TMPRSS11F: variants seen among roughly 807,000 people sequenced by gnomAD.
TMPRSS11F encodes the protein transmembrane serine protease 11F.
A neutral mutation model predicts 60.2 loss-of-function variants in TMPRSS11F; 47 were observed. The observed-to-expected ratio is 0.78, with a 90% CI of 0.62 to 1.00. The LOEUF (loss-of-function observed/expected upper bound fraction) is 1.00, where lower values mean the gene tolerates loss of function less well. TMPRSS11F is among the 50% of genes least tolerant of loss of function. The pLI, the probability that TMPRSS11F is intolerant of heterozygous loss-of-function variation, is 0.00. For missense variants in TMPRSS11F, 519 were observed against 522.9 expected (o/e 0.99, Z 0.07); for synonymous variants, 166 against 167.3 (o/e 0.99, Z 0.06).
At chr4:68,079,325 A>T (rs551670338) in intron 3 of TMPRSS11F, among the ~76,000 whole-genome samples, 27 of 152,210 alleles carry the variant, frequency 1.8e-4, no homozygotes, top group African/African-American at 6.5e-4. Context: ...TGTTAAGCGC[A>T]TTAAGTGACT....
In TMPRSS11F at chr4:68,064,140, G is replaced by A. The variant is rs150754473; in HGVS notation, c.1015+545C>T. Among the ~76,000 whole-genome samples the A allele has an allele frequency of 5.3e-3, 735 of 139,758 alleles. 9 individuals carry two copies. The highest frequency in any genetic ancestry group is 0.019 in the African/African-American group (707 of 37,570). The allele number at this position is 139,758 out of a possible 152,430, so 91.7% of individuals were successfully genotyped here. ...CCCTGACTTTTTTTTTTTTTCCACC[G>A]CTCTAGTTGAGCAGTTGAGGAGATT... is the stretch of plus-strand genomic sequence containing the variant. On this transcript the variant is annotated intron_variant, in intron 8 of 9. Transcript: ENST00000356291.
At chr4:68,124,235 A>C (rs1015695777) in intron 1 of TMPRSS11F, among the ~76,000 whole-genome samples, 3 of 150,434 alleles carry the variant, frequency 2.0e-5, no homozygotes, top group Non-Finnish European at 3.0e-5. Context: ...AAAAAAAAAA[A>C]CAAACCTTTA....
At chr4:68,068,533 G>A (rs948509886) in intron 7 of TMPRSS11F, 85 bp downstream of exon 7, 23 of 1,164,822 alleles carry the variant, frequency 2.0e-5, no homozygotes, top group Non-Finnish European at 2.9e-5. Flanking sequence ...GGTTAAACTG[G>A]AGAGACTGGA....
intron 5 of TMPRSS11F, among the ~76,000 whole-genome samples, chr4:68,070,787 T>C (rs1723443848): frequency 6.6e-6 from 1 of 152,218 alleles, no homozygotes; most frequent in South Asian, 2.1e-4. Context: ...ACATGGGGAA[T>C]TACAGTGATT....
chr4:68,112,729 A>C (rs545437810), intron 1 of TMPRSS11F, among the ~76,000 whole-genome samples: 7 of 152,316 alleles, frequency 4.6e-5, no homozygotes, highest in African/African-American at 1.7e-4. Context: ...TGTCTAGCAC[A>C]GTACCTGAGC....
At position 68,065,351 on chromosome 4, in the gene TMPRSS11F, C is replaced by T. The variant is rs546529636; in HGVS notation, c.756-407G>A. 3.3e-5 allele frequency among the ~76,000 whole-genome samples: 5 copies of T among 152,214 alleles called. No individual in the cohort carries two copies. The East Asian group carries it at 5.8e-4, about 18-fold the overall frequency. ...CTTATTTTACTGGTTTTACTGTGATCGTTGAAGTGAAGCGTAATTTGTCTG... is the reference window on the plus strand; with the variant it reads ...CTTATTTTACTGGTTTTACTGTGATTGTTGAAGTGAAGCGTAATTTGTCTG... On this transcript the variant is annotated intron_variant, in intron 7 of 9. Coordinates refer to ENST00000356291, the MANE Select transcript of TMPRSS11F (RefSeq NM_207407.2).
At chr4:68,083,184 A>C (rs901361476) in intron 3 of TMPRSS11F, among the ~76,000 whole-genome samples, 1 of 151,996 alleles carries the variant, frequency 6.6e-6, no homozygotes, top group Non-Finnish European at 1.5e-5. Context: ...ACCTGCTCTG[A>C]CTCCATTAAG....
chr4:68,086,651 T>C (rs899208680), intron 3 of TMPRSS11F, among the ~76,000 whole-genome samples: 3 of 151,698 alleles, frequency 2.0e-5, no homozygotes, highest in African/African-American at 7.3e-5. Context: ...AGAGAGACAA[T>C]CCGTATAAAT....
At chr4:68,107,952 A>G (rs78543151) in intron 1 of TMPRSS11F, among the ~76,000 whole-genome samples, 5,430 of 152,106 alleles carry the variant, frequency 0.036, 273 homozygotes, top group African/African-American at 0.11. Flanking sequence ...AAAAAAAAGA[A>G]CCACTTTGGA....
At chr4:68,089,303 T>C (rs775385953) in intron 3 of TMPRSS11F, among the ~76,000 whole-genome samples, 4 of 152,148 alleles carry the variant, frequency 2.6e-5, no homozygotes, top group Admixed American at 2.0e-4. Context: ...TATCTTACTA[T>C]ATCAATGAAA....
intron 4 of TMPRSS11F, among the ~76,000 whole-genome samples, 170 bp from the exon 5 acceptor site, chr4:68,072,656 A>AG (rs1044784736): frequency 3.9e-5 from 6 of 152,226 alleles, no homozygotes; most frequent in African/African-American, 1.4e-4. Context: ...ATAACCAGGA[A>AG]GTGTTGGAAG....
chr4:68,077,904 A>G (rs772529609), intron 3 of TMPRSS11F, among the ~76,000 whole-genome samples: 3 of 152,130 alleles, frequency 2.0e-5, no homozygotes, highest in African/African-American at 4.8e-5. Flanking sequence ...GGCAGACTCC[A>G]CGCCATCCCA....
intron 5 of TMPRSS11F, among the ~76,000 whole-genome samples, chr4:68,070,820 C>A (rs543599727): frequency 3.3e-4 from 50 of 152,208 alleles, no homozygotes; most frequent in East Asian, 9.6e-4. Context: ...TTGACTTCTC[C>A]CCAAAAAGGG....
At chr4:68,100,834 GA>G (rs900810023) in intron 1 of TMPRSS11F, among the ~76,000 whole-genome samples, 12 of 151,656 alleles carry the variant, frequency 7.9e-5, no homozygotes, top group African/African-American at 1.9e-4. Flanking sequence ...ACATAACCTA[GA>G]AAAAAAATGA....
At chr4:68,071,994 T>G (rs1723475819) in intron 5 of TMPRSS11F, among the ~76,000 whole-genome samples, 1 of 151,846 alleles carries the variant, frequency 6.6e-6, no homozygotes, top group Admixed American at 6.6e-5. Flanking sequence ...CACATCTTCC[T>G]TGAGTCTCAG....
rs983722687 is a variant in TMPRSS11F at position 68,091,633 on chromosome 4, G to A, written c.164-992C>T. On this transcript the variant is annotated intron_variant, in intron 2 of 9. Transcript: ENST00000356291. ...TCCACTTCCTATATTTTCTATCTTTGTGAACAGCCCTAATATCCACATGGT... is the reference window on the plus strand; with the variant it reads ...TCCACTTCCTATATTTTCTATCTTTATGAACAGCCCTAATATCCACATGGT... Among the ~76,000 whole-genome samples the A allele has an allele frequency of 2.6e-5, 4 of 151,806 alleles. No homozygotes were observed. In the South Asian group the frequency reaches 8.3e-4, roughly 32 times the overall value.
chr4:68,097,338 A>G (rs547202419), intron 2 of TMPRSS11F, among the ~76,000 whole-genome samples: 1 of 152,218 alleles, frequency 6.6e-6, no homozygotes, highest in East Asian at 1.9e-4. Context: ...GTAAGGCGAG[A>G]ATTTATTTTT....
chr4:68,099,703 T>G (rs1724150304), intron 1 of TMPRSS11F, among the ~76,000 whole-genome samples: 1 of 152,196 alleles, frequency 6.6e-6, no homozygotes, highest in Admixed American at 6.6e-5. Flanking sequence ...ACTTTATGCT[T>G]TTCTCTTTAC....
intron 2 of TMPRSS11F, among the ~76,000 whole-genome samples, chr4:68,098,425 T>G (rs1222449361): frequency 6.6e-6 from 1 of 152,248 alleles, no homozygotes; most frequent in Non-Finnish European, 1.5e-5. Flanking sequence ...GAAGTAATAC[T>G]GAGCTTTTCC....
Sources: allele counts gnomAD v4.1 joint callset (sites outside exome capture counted in the v4.1 genomes callset), GRCh38; gene constraint gnomAD v4.1.1; transcripts MANE v1.5; gene names NCBI Gene and HGNC (gene_info 2026-07-23, HGNC 2026-07-21).